The following SCFD2 variants were observed in gnomAD, a reference collection of about 807,000 sequenced individuals.
SCFD2 encodes the protein sec1 family domain containing 2, also known as sec1 family domain-containing protein 2.
Under a neutral mutation model 58.9 loss-of-function variants are expected in SCFD2, and 54 were observed. That is an observed-to-expected ratio of 0.92 (90% confidence interval 0.74 to 1.15). SCFD2 has a LOEUF of 1.15. SCFD2 is among the 50% of genes most tolerant of loss of function. The probability of loss-of-function intolerance (pLI) is 0.00; values close to 1 mark genes in which losing one functional copy is unlikely to be tolerated. For synonymous variants in SCFD2, 321 were observed against 335.9 expected (o/e 0.96, Z 0.49); for missense variants, 805 against 836.6 (o/e 0.96, Z 0.47).
chr4:53,247,340 A>G (rs1327608119), intron 4 of SCFD2, among the ~76,000 whole-genome samples: 1 of 152,208 alleles, frequency 6.6e-6, no homozygotes, highest in Non-Finnish European at 1.5e-5. Context: ...GAGATTCCTC[A>G]AAGAGCTAAA....
chr4:53,333,575 C>G (rs1733570733), intron 2 of SCFD2, among the ~76,000 whole-genome samples: 1 of 151,148 alleles, frequency 6.6e-6, no homozygotes, highest in Admixed American at 6.6e-5. Context: ...GGATCCCTTC[C>G]TTATACCTTA....
chr4:52,959,740 A>G (rs775122664), intron 5 of SCFD2, among the ~76,000 whole-genome samples: 5 of 152,216 alleles, frequency 3.3e-5, no homozygotes, highest in African/African-American at 9.6e-5. Context: ...AAACAAGATG[A>G]CATGGCCTTA....
intron 2 of SCFD2, among the ~76,000 whole-genome samples, chr4:53,328,027 C>T (rs928477600): frequency 1.3e-5 from 2 of 151,460 alleles, no homozygotes; most frequent in Non-Finnish European, 2.9e-5. Flanking sequence ...CCCAGCTACT[C>T]GGGAGGCTGA....
chr4:53,044,826 CTGTT>C (rs1722988622), intron 5 of SCFD2, among the ~76,000 whole-genome samples: 1 of 137,060 alleles, frequency 7.3e-6, no homozygotes, highest in Admixed American at 7.0e-5. Context: ...AAGAGTATTT[CTGTT>C]TTTTTTTTTT....
intron 2 of SCFD2, among the ~76,000 whole-genome samples, chr4:53,335,273 A>C (rs1363137520): frequency 6.6e-6 from 1 of 151,946 alleles, no homozygotes; most frequent in African/African-American, 2.4e-5. Flanking sequence ...TTCCTGCCAG[A>C]AATACATAAC....
intron 5 of SCFD2, among the ~76,000 whole-genome samples, chr4:53,020,673 T>C (rs1275009613): frequency 1.3e-5 from 2 of 152,138 alleles, no homozygotes; most frequent in African/African-American, 4.8e-5. Context: ...GTAGCCCACG[T>C]TTCCCAGCCT....
chr4:53,213,449 G>C (rs1207074643), intron 4 of SCFD2, among the ~76,000 whole-genome samples: 3 of 152,096 alleles, frequency 2.0e-5, no homozygotes, highest in African/African-American at 7.3e-5. Flanking sequence ...ATTAAAACCA[G>C]AGTGACTATG....
At chr4:53,291,698 C>T (rs950728309) in intron 3 of SCFD2, among the ~76,000 whole-genome samples, 10 of 151,900 alleles carry the variant, frequency 6.6e-5, no homozygotes, top group African/African-American at 2.4e-4. Context: ...AAGAACAAAG[C>T]TGGAGGCATC....
chr4:53,228,352 A>C (rs919854140), intron 4 of SCFD2, among the ~76,000 whole-genome samples: 10 of 152,134 alleles, frequency 6.6e-5, no homozygotes, highest in African/African-American at 2.4e-4. Context: ...ACAACATTAG[A>C]CCAAGTTAGA....
intron 5 of SCFD2, among the ~76,000 whole-genome samples, chr4:53,044,489 A>ACTTCCTTCCTTCCTTCCTTCCTTC (rs536906756): frequency 6.8e-5 from 10 of 146,028 alleles, no homozygotes; most frequent in African/African-American, 2.3e-4. Flanking sequence ...CTTTACAGGA[A>ACTTCCTTCCTTCCTTCCTTCCTTC]CTTCCTTCCT....
At chr4:53,156,533 T>C (rs1052584066) in intron 4 of SCFD2, among the ~76,000 whole-genome samples, 1 of 150,954 alleles carries the variant, frequency 6.6e-6, no homozygotes, top group African/African-American at 2.4e-5. Flanking sequence ...CCGTCTCTAC[T>C]AAAAATACAA....
chr4:53,254,765 GGTGCC>G (rs1730533943), intron 4 of SCFD2, among the ~76,000 whole-genome samples: 1 of 150,276 alleles, frequency 6.7e-6, no homozygotes, highest in Non-Finnish European at 1.5e-5. Flanking sequence ...AATTGTGGCT[GGTGCC>G]ATCAGGGAAG....
intron 5 of SCFD2, among the ~76,000 whole-genome samples, chr4:53,023,461 A>G (rs1722398138): frequency 6.6e-6 from 1 of 152,086 alleles, no homozygotes; most frequent in South Asian, 2.1e-4. Context: ...CTTAGCCCCT[A>G]CTCACAGAGT....
At chr4:53,052,823 T>C (rs945669605) in intron 5 of SCFD2, among the ~76,000 whole-genome samples, 13 of 152,234 alleles carry the variant, frequency 8.5e-5, no homozygotes, top group Middle Eastern at 6.8e-3. Flanking sequence ...ACAAAGCTAC[T>C]GCGACATGCA....
intron 3 of SCFD2, among the ~76,000 whole-genome samples, chr4:53,275,895 G>A (rs1731311930): frequency 6.6e-6 from 1 of 152,092 alleles, no homozygotes; most frequent in Non-Finnish European, 1.5e-5. Flanking sequence ...ATTTCATTGT[G>A]TGGATGTATC....
chr4:53,102,952 T>C (rs78571069), intron 5 of SCFD2, among the ~76,000 whole-genome samples: 2,209 of 152,176 alleles, frequency 0.015, 20 homozygotes, highest in Middle Eastern at 0.034. Context: ...CATACATACA[T>C]AGGCAGACAG....
chr4:53,227,660 C>G (rs1186274942), intron 4 of SCFD2, among the ~76,000 whole-genome samples: 8 of 152,058 alleles, frequency 5.3e-5, no homozygotes, highest in Non-Finnish European at 1.2e-4. Flanking sequence ...ATATGATTCA[C>G]CCATCAGTCA....
intron 5 of SCFD2, among the ~76,000 whole-genome samples, chr4:52,992,057 CG>C (rs1721624383): frequency 6.6e-6 from 1 of 152,130 alleles, no homozygotes; most frequent in Non-Finnish European, 1.5e-5. Flanking sequence ...CCTCTCCCCA[CG>C]GTCTCCCTCT....
At chr4:53,183,595 A>G (rs1281413874) in intron 4 of SCFD2, among the ~76,000 whole-genome samples, 3 of 152,148 alleles carry the variant, frequency 2.0e-5, no homozygotes, top group Admixed American at 6.5e-5. Context: ...TGGCACATGT[A>G]TACATATGTA....
Sources: gnomAD v4.1 joint callset for allele counts (sites outside exome capture counted in the v4.1 genomes callset) on GRCh38, gnomAD v4.1.1 for gene constraint, MANE v1.5 for transcripts, NCBI Gene and HGNC (gene_info 2026-07-23, HGNC 2026-07-21) for gene names.